The following PLD5 variants were observed in gnomAD, a reference collection of about 807,000 sequenced individuals.
PLD5 encodes phospholipase D family member 5.
In PLD5, 36 loss-of-function variants were observed where a neutral mutation model predicts 61.1. The ratio of observed to expected loss-of-function variants is 0.59; its 90% confidence interval spans 0.45 to 0.78. The LOEUF is 0.78. Ranked by LOEUF, PLD5 falls within the 30% of genes least tolerant of loss-of-function variation. The pLI is 0.00. For synonymous variants in PLD5, 243 were observed against 242.8 expected, an observed-to-expected ratio of 1.00 and a Z score of -0.01; for missense variants, 515 against 644.4, an observed-to-expected ratio of 0.80 and a Z score of 2.17.
chr1:242,312,492 T>G (rs1676760544), intron 2 of PLD5, among the ~76,000 whole-genome samples: 1 of 152,152 alleles, frequency 6.6e-6, no homozygotes, highest in East Asian at 1.9e-4. Flanking sequence ...TCTTGGGGTC[T>G]CACCTGTTCT....
At chr1:242,115,649 C>CA (rs1661885918) in intron 6 of PLD5, among the ~76,000 whole-genome samples, 1 of 94,064 alleles carries the variant, frequency 1.1e-5, no homozygotes, top group African/African-American at 4.2e-5. Flanking sequence ...GTTTCAAACT[C>CA]AAAATCTAAA....
At chr1:242,171,038 A>G (rs374676181) in intron 5 of PLD5, among the ~76,000 whole-genome samples, 2 of 152,130 alleles carry the variant, frequency 1.3e-5, no homozygotes. Flanking sequence ...AATACAGAGA[A>G]CACCACAAAG....
chr1:242,185,086 A>G (rs1055817510), intron 5 of PLD5, among the ~76,000 whole-genome samples: 8 of 152,330 alleles, frequency 5.3e-5, no homozygotes, highest in African/African-American at 1.7e-4. Flanking sequence ...ACTTACCAAG[A>G]CAGCTGGCTG....
chr1:242,190,761 C>T (rs1055953961), intron 5 of PLD5, among the ~76,000 whole-genome samples: 2 of 151,872 alleles, frequency 1.3e-5, no homozygotes, highest in Admixed American at 6.6e-5. Flanking sequence ...AGAAAAATCC[C>T]ATACAAGATG....
rs143186636 is a variant in PLD5, at chr1:242,093,259, T to C, written c.1355-3149A>G. ...CCAGGTAAATACAGGACTGGATCTC[T>C]AAACGGGATTAGTAGCTCCCGTGGG... On this transcript the variant is annotated intron_variant, in intron 9 of 9. Transcript: ENST00000536534. Among the ~76,000 whole-genome samples the C allele has an allele frequency of 3.2e-3, 491 of 152,252 alleles. 1 individual carries two copies. Among genetic ancestry groups the C allele is most frequent in the African/African-American group, 0.011 (474 of 41,542 alleles).
chr1:242,432,049 G>C (rs1294792224), intron 1 of PLD5, among the ~76,000 whole-genome samples: 6 of 152,218 alleles, frequency 3.9e-5, no homozygotes, highest in Non-Finnish European at 7.3e-5. Flanking sequence ...CACAACGGTA[G>C]TGGAAGTCAG....
chr1:242,497,472 T>C (rs1668408731), intron 1 of PLD5, among the ~76,000 whole-genome samples: 1 of 152,032 alleles, frequency 6.6e-6, no homozygotes, highest in South Asian at 2.1e-4. Flanking sequence ...GCCACATCCT[T>C]TGTGTGTGTG....
chr1:242,395,848 G>A (rs1166589061), intron 1 of PLD5, among the ~76,000 whole-genome samples: 1 of 152,196 alleles, frequency 6.6e-6, no homozygotes, highest in Non-Finnish European at 1.5e-5. Flanking sequence ...AGGAGTTCAA[G>A]ACCAGCTTGG....
rs1181235404 is a variant in PLD5 at position 242,253,305 on chromosome 1, C to CT, written c.607+12031dup. Among the ~76,000 whole-genome samples, 406 of 70,696 alleles carry CT rather than the reference C, an allele frequency of 5.7e-3. 1 individual carries two copies. Among genetic ancestry groups the CT allele is most frequent in the South Asian group, 0.019 (28 of 1,456 alleles). 46.4% of individuals were successfully genotyped at this position (70,696 alleles called of 152,430 possible). ...AATCACCACACCCAGCCTCTCTTCACTTTTTTTTTTTTTTTTTTTTTTTTT... is the reference window on the plus strand; with the variant it reads ...AATCACCACACCCAGCCTCTCTTCACTTTTTTTTTTTTTTTTTTTTTTTTTT... On this transcript the variant is annotated intron_variant, in intron 4 of 9. Transcript: ENST00000536534.
At chr1:242,414,555 C>A (rs905132847) in intron 1 of PLD5, among the ~76,000 whole-genome samples, 5 of 152,146 alleles carry the variant, frequency 3.3e-5, no homozygotes, top group African/African-American at 1.2e-4. Context: ...AGATTAGAGA[C>A]TAAGTAGCAC....
intron 1 of PLD5, among the ~76,000 whole-genome samples, chr1:242,364,524 C>T (rs1661236938): frequency 6.6e-6 from 1 of 151,980 alleles, no homozygotes. Context: ...CGAGACCAGC[C>T]TGGCCAACAT....
Position 242,270,288 on chromosome 1 carries a change from C to T in PLD5, c.496-4840G>A, listed in dbSNP as rs1252447734. ...TACTCCACATCATAATGAGAACCTT[C>T]AGGATACTGAGATTTCCTACAAACT... On this transcript the variant is annotated intron_variant, in intron 3 of 9. Transcript: ENST00000536534. Among the ~76,000 whole-genome samples the T allele has an allele frequency of 6.0e-5, 9 of 150,976 alleles. No individual in the cohort carries two copies. The Admixed American group carries it at 6.0e-4, about 10-fold the overall frequency.
chr1:242,262,301 G>C (rs1673421496), intron 4 of PLD5, among the ~76,000 whole-genome samples: 2 of 152,174 alleles, frequency 1.3e-5, no homozygotes, highest in Non-Finnish European at 2.9e-5. Flanking sequence ...CTCTGCGGAG[G>C]GCACTGACTG....
At chr1:242,371,675 G>T (rs1388285914) in intron 1 of PLD5, among the ~76,000 whole-genome samples, 1 of 152,066 alleles carries the variant, frequency 6.6e-6, no homozygotes, top group Non-Finnish European at 1.5e-5. Flanking sequence ...ATCCAGGGCA[G>T]AGCTTGCATG....
At chr1:242,393,180 G>A (rs1663035376) in intron 1 of PLD5, among the ~76,000 whole-genome samples, 1 of 145,510 alleles carries the variant, frequency 6.9e-6, no homozygotes, top group Admixed American at 7.2e-5. Context: ...CTCCAGCCTG[G>A]ATAAGACGAC....
At chr1:242,151,002 T>C (rs1898155) in intron 5 of PLD5, among the ~76,000 whole-genome samples, 72,416 of 151,472 alleles carry the variant, frequency 0.48, 18,752 homozygotes, top group African/African-American at 0.68. Flanking sequence ...CCCTAGACTT[T>C]ACAATATAGA....
At chr1:242,428,154 T>C (rs201206568) in intron 1 of PLD5, among the ~76,000 whole-genome samples, 86 of 152,360 alleles carry the variant, frequency 5.6e-4, no homozygotes, top group Non-Finnish European at 1.0e-3. Context: ...AAAGTAGGTA[T>C]GCTGAAACCT....
intron 5 of PLD5, among the ~76,000 whole-genome samples, chr1:242,186,289 C>T (rs140450492): frequency 0.025 from 3,779 of 151,944 alleles, 171 homozygotes; most frequent in African/African-American, 0.087. Flanking sequence ...TTCAAGCGAA[C>T]CTCCTGCCTC....
chr1:242,484,958 C>T (rs1667907378), intron 1 of PLD5, among the ~76,000 whole-genome samples: 1 of 152,110 alleles, frequency 6.6e-6, no homozygotes, highest in Admixed American at 6.5e-5. Flanking sequence ...AAGACAAAAA[C>T]CACATGATTA....
Sources: gnomAD v4.1 joint callset for allele counts (sites outside exome capture counted in the v4.1 genomes callset) on GRCh38, gnomAD v4.1.1 for gene constraint, MANE v1.5 for transcripts, NCBI Gene and HGNC (gene_info 2026-07-23, HGNC 2026-07-21) for gene names.